RBFOX3: variants seen among roughly 807,000 people sequenced by gnomAD.
RBFOX3 encodes the protein RNA binding fox-1 homolog 3, also known as RNA binding protein fox-1 homolog 3.
In RBFOX3, 17 loss-of-function variants were observed where a neutral mutation model predicts 48.7. That is an observed-to-expected ratio of 0.35 (90% CI 0.24 to 0.52). The LOEUF is 0.52. Among genes scored for constraint, RBFOX3 ranks in the 20% least tolerant of loss-of-function variants. RBFOX3 has a pLI of 0.94. For missense variants in RBFOX3, 382 were observed against 497.5 expected (o/e 0.77, Z 2.21); for synonymous variants, 212 against 209.5 (o/e 1.01, Z -0.10).
At chr17:79,129,611 G>A (rs1308522094) in intron 4 of RBFOX3, among the ~76,000 whole-genome samples, 1 of 152,230 alleles carries the variant, frequency 6.6e-6, no homozygotes, top group Non-Finnish European at 1.5e-5. Context: ...CCTTCAAGGT[G>A]CAGAGGACAC....
intron 1 of RBFOX3, among the ~76,000 whole-genome samples, chr17:79,592,814 C>A (rs1054004209): frequency 6.6e-6 from 1 of 152,176 alleles, no homozygotes; most frequent in African/African-American, 2.4e-5. Context: ...GCAGTCCTGG[C>A]GCATCCCAAA....
chr17:79,317,280 T>C (rs890780837), intron 2 of RBFOX3, among the ~76,000 whole-genome samples: 1 of 152,192 alleles, frequency 6.6e-6, no homozygotes, highest in Non-Finnish European at 1.5e-5. Context: ...ACCCAATACA[T>C]CAAATTTTAG....
intron 1 of RBFOX3, among the ~76,000 whole-genome samples, chr17:79,549,668 A>AGGAGCCCTGTGGGG (rs1555793020): frequency 8.9e-4 from 135 of 152,298 alleles, no homozygotes; most frequent in Admixed American, 2.3e-3. Context: ...GCACTGGGGA[A>AGGAGCCCTGTGGGG]GGAGACAAAG....
chr17:79,555,674 T>C (rs943964123), intron 1 of RBFOX3, among the ~76,000 whole-genome samples: 2 of 152,128 alleles, frequency 1.3e-5, no homozygotes, highest in Admixed American at 6.5e-5. Flanking sequence ...ATGGTGATGA[T>C]AGTCATGATG....
intron 3 of RBFOX3, among the ~76,000 whole-genome samples, chr17:79,271,197 T>A (rs2067630820): frequency 6.6e-6 from 1 of 152,042 alleles, no homozygotes; most frequent in Non-Finnish European, 1.5e-5. Context: ...TGCCTCAGCC[T>A]CCTGAGTAGC....
At chr17:79,397,268 G>C (rs1211521193) in intron 2 of RBFOX3, among the ~76,000 whole-genome samples, 19 of 152,108 alleles carry the variant, frequency 1.2e-4, no homozygotes, top group Admixed American at 1.2e-3. Flanking sequence ...GGATCATGAG[G>C]TCAAGAGATC....
chr17:79,318,534 A>G (rs559491956), intron 2 of RBFOX3, among the ~76,000 whole-genome samples: 1 of 152,204 alleles, frequency 6.6e-6, no homozygotes, highest in African/African-American at 2.4e-5. Context: ...TTACTGGCAA[A>G]TTTCATACTA....
At chr17:79,360,038 GTTTC>G (rs146420687) in intron 2 of RBFOX3, among the ~76,000 whole-genome samples, 35,497 of 151,180 alleles carry the variant, frequency 0.23, 4,242 homozygotes, top group East Asian at 0.34. Context: ...GGTCATTGAT[GTTTC>G]TTTATTTTTT....
intron 1 of RBFOX3, among the ~76,000 whole-genome samples, chr17:79,591,865 G>A (rs1401664156): frequency 6.6e-6 from 1 of 150,852 alleles, no homozygotes; most frequent in Admixed American, 6.6e-5. Flanking sequence ...TGTGGAGGGT[G>A]TGTGGAGGCA....
chr17:79,652,811 A>G, the RBFOX3 span, among the ~76,000 whole-genome samples: 1 of 152,106 alleles, frequency 6.6e-6, no homozygotes, highest in African/African-American at 2.4e-5. Context: ...CAAAGAAATA[A>G]TACCATAAAT....
chr17:79,530,122 A>G (rs1182566058), intron 1 of RBFOX3, among the ~76,000 whole-genome samples: 1 of 152,224 alleles, frequency 6.6e-6, no homozygotes, highest in Non-Finnish European at 1.5e-5. Flanking sequence ...ATGAGGCAGC[A>G]TCGAGCACAG....
At chr17:79,325,905 C>T (rs1489913506) in intron 2 of RBFOX3, among the ~76,000 whole-genome samples, 1 of 152,162 alleles carries the variant, frequency 6.6e-6, no homozygotes, top group Non-Finnish European at 1.5e-5. Context: ...GGGAGCTGTC[C>T]GGTGCTGAAC....
chr17:79,547,401 G>T (rs145027464), intron 1 of RBFOX3, among the ~76,000 whole-genome samples: 1 of 152,176 alleles, frequency 6.6e-6, no homozygotes, highest in Non-Finnish European at 1.5e-5. Context: ...GTTGCAGTGA[G>T]CCAAGATTGC....
At chr17:79,215,293 G>A (rs1340325764) in intron 4 of RBFOX3, among the ~76,000 whole-genome samples, 6 of 152,204 alleles carry the variant, frequency 3.9e-5, no homozygotes, top group Non-Finnish European at 7.3e-5. Context: ...GAGGTCCTCC[G>A]CTCTGGGCTG....
intron 3 of RBFOX3, among the ~76,000 whole-genome samples, chr17:79,259,934 G>T (rs2065478674): frequency 6.6e-6 from 1 of 152,146 alleles, no homozygotes; most frequent in African/African-American, 2.4e-5. Flanking sequence ...TGTGAGTGCA[G>T]CAGGGATGTG....
At chr17:79,634,112 G>A in the RBFOX3 span, among the ~76,000 whole-genome samples, 2 of 152,230 alleles carry the variant, frequency 1.3e-5, no homozygotes, top group African/African-American at 4.8e-5. Context: ...GGTGGGAGGG[G>A]TGGCAGCCTG....
At chr17:79,518,213 C>G (rs2085526363) in intron 1 of RBFOX3, among the ~76,000 whole-genome samples, 2 of 152,140 alleles carry the variant, frequency 1.3e-5, no homozygotes, top group African/African-American at 4.8e-5. Flanking sequence ...GTTTTTTTCT[C>G]TCTCTCTCCT....
At chr17:79,561,743 C>T (rs2092234703) in intron 1 of RBFOX3, among the ~76,000 whole-genome samples, 2 of 152,184 alleles carry the variant, frequency 1.3e-5, no homozygotes, top group Non-Finnish European at 2.9e-5. Flanking sequence ...CAGCAACCAG[C>T]GTCCTGAGGG....
chr17:79,619,609 G>A, the RBFOX3 span, among the ~76,000 whole-genome samples: 1 of 152,168 alleles, frequency 6.6e-6, no homozygotes, highest in Non-Finnish European at 1.5e-5. Flanking sequence ...GTCCAAATAA[G>A]GCAGGCTCTG....
Sources: gnomAD v4.1 joint callset for allele counts (sites outside exome capture counted in the v4.1 genomes callset) on GRCh38, gnomAD v4.1.1 for gene constraint, MANE v1.5 for transcripts, NCBI Gene and HGNC (gene_info 2026-07-23, HGNC 2026-07-21) for gene names.